The following DOCK7 variants were observed in gnomAD, a reference collection of about 807,000 sequenced individuals.
DOCK7 encodes dedicator of cytokinesis protein 7.
Under a neutral mutation model 271.0 loss-of-function variants are expected in DOCK7, and 138 were observed. The observed-to-expected ratio is 0.51, with a 90% CI of 0.44 to 0.59. The LOEUF is 0.59. DOCK7 is among the 20% of genes least tolerant of loss of function. The pLI, the probability that DOCK7 is intolerant of heterozygous loss-of-function variation, is 0.00. For synonymous variants in DOCK7, 823 were observed against 876.1 expected, an observed-to-expected ratio of 0.94 and a Z score of 1.07; for missense variants, 2,066 against 2,592.4, an observed-to-expected ratio of 0.80 and a Z score of 4.41.
chr1:62,489,159 A>G, intron 41 of DOCK7, 94 bp from the exon 42 acceptor site: 1 of 1,253,756 alleles, frequency 8.0e-7, no homozygotes, highest in South Asian at 1.6e-5. Context: ...TATTAAGATA[A>G]TACACTGAGG....
At position 62,539,633 on chromosome 1, in the gene DOCK7, T is replaced by C. The variant is rs779987031; in HGVS notation, c.3212A>G (p.Asn1071Ser). The part of the protein sequence containing the change: ...QKDTEMVERL[N>S]TSLAFFLNDL... ...ATTGAGAAAGAATGCAAGGCTTGTA[T>C]TGAGTCTCTCAACCATTTCTGTGTC... Residue 1071 changes from asparagine to serine, a missense_variant, in exon 27 of 50, where the codon AAT (asparagine) becomes AGT (serine). Asn to Ser is a conservative substitution (Grantham distance 46). Around this residue, in one of 2 missense-constraint regions of DOCK7, gnomAD observed 1,414 missense variants for 1,670.4 expected, o/e 0.85. Transcript: ENST00000635253. 1.9e-5 allele frequency: 30 copies of C among 1,613,764 alleles called. No homozygotes were observed. Among genetic ancestry groups the C allele is most frequent in the African/African-American group, 6.7e-5 (5 of 74,930 alleles).
At chr1:62,602,899 CTATTT>C (rs541516042) in intron 14 of DOCK7, among the ~76,000 whole-genome samples, 3 of 151,602 alleles carry the variant, frequency 2.0e-5, no homozygotes, top group African/African-American at 7.2e-5. Flanking sequence ...GCAAATTATT[CTATTT>C]TGATTACAAA....
chr1:62,631,486 A>AAGGATG (rs1322422288), intron 10 of DOCK7, 81 bp from the exon 11 acceptor site: 8 of 1,224,494 alleles, frequency 6.5e-6, no homozygotes, highest in Non-Finnish European at 7.8e-6. Flanking sequence ...CATAAAGGAA[A>AAGGATG]AGGATGAGAA....
chr1:62,632,177 A>G (rs1654712566), intron 10 of DOCK7, among the ~76,000 whole-genome samples: 1 of 152,226 alleles, frequency 6.6e-6, no homozygotes, highest in Non-Finnish European at 1.5e-5. Context: ...AGGGCTAGAA[A>G]AAGATGAAAC....
chr1:62,512,090 AT>A (rs544115933), intron 33 of DOCK7, among the ~76,000 whole-genome samples: 2 of 152,308 alleles, frequency 1.3e-5, no homozygotes, highest in East Asian at 1.9e-4. Context: ...TGCTCTATTA[AT>A]TTTTTTAAAG....
intron 14 of DOCK7, among the ~76,000 whole-genome samples, chr1:62,617,914 G>GAGGGGT (rs1401285980): frequency 6.6e-6 from 1 of 152,008 alleles, no homozygotes; most frequent in Non-Finnish European, 1.5e-5. Context: ...GAATAAATGT[G>GAGGGGT]AGGGGTAGGA....
At chr1:62,526,721 C>A (rs1041008141) in intron 31 of DOCK7, among the ~76,000 whole-genome samples, 1 of 151,976 alleles carries the variant, frequency 6.6e-6, no homozygotes, top group Admixed American at 6.6e-5. Context: ...TGTATCAATA[C>A]AATGGAATAC....
intron 18 of DOCK7, among the ~76,000 whole-genome samples, chr1:62,574,078 AC>A (rs1453459576): frequency 1.3e-5 from 2 of 152,150 alleles, no homozygotes; most frequent in Non-Finnish European, 2.9e-5. Context: ...GCCACCCAGA[AC>A]CCCATGAGTT....
At chr1:62,557,474 C>T (rs767823015) in intron 20 of DOCK7, among the ~76,000 whole-genome samples, 12 of 151,100 alleles carry the variant, frequency 7.9e-5, no homozygotes, top group Non-Finnish European at 1.5e-4. Context: ...TCTCTTCTAA[C>T]TTAACTTCTT....
chr1:62,570,808 G>A (rs886313655), intron 18 of DOCK7, among the ~76,000 whole-genome samples: 1 of 152,090 alleles, frequency 6.6e-6, no homozygotes, highest in African/African-American at 2.4e-5. Flanking sequence ...AATGGGTGAA[G>A]GATTCCCTAT....
chr1:62,513,299 A>C, intron 33 of DOCK7, 145 bp downstream of exon 33: 1 of 532,100 alleles, frequency 1.9e-6, no homozygotes, highest in Non-Finnish European at 2.6e-6. Context: ...CAGAATTCTA[A>C]CTTTTATTAC....
intron 43 of DOCK7, chr1:62,485,347 C>T: frequency 1.0e-6 from 1 of 984,118 alleles, no homozygotes. Flanking sequence ...ATCTTTCACA[C>T]ACACACACAC....
chr1:62,664,511 T>G (rs1659047591), intron 1 of DOCK7, among the ~76,000 whole-genome samples: 1 of 152,198 alleles, frequency 6.6e-6, no homozygotes, highest in African/African-American at 2.4e-5. Context: ...ATTAAACCAC[T>G]TTCCTTTATG....
chr1:62,623,411 T>C (rs1653530301), intron 12 of DOCK7, among the ~76,000 whole-genome samples: 1 of 152,222 alleles, frequency 6.6e-6, no homozygotes, highest in Non-Finnish European at 1.5e-5. Flanking sequence ...TAAGTTTTCA[T>C]AATCATTTTG....
intron 31 of DOCK7, among the ~76,000 whole-genome samples, chr1:62,516,099 T>A (rs1644654663): frequency 6.6e-6 from 1 of 152,032 alleles, no homozygotes; most frequent in South Asian, 2.1e-4. Flanking sequence ...GAACTTTAAA[T>A]ACAAAATGTT....
In DOCK7 at chr1:62,558,989, C is replaced by A. The variant is rs752142212; in HGVS notation, c.2431G>T (p.Val811Phe). The A allele has an allele frequency of 1.9e-6, 3 of 1,600,922 alleles. No individual in the cohort carries two copies. Among genetic ancestry groups the A allele is most frequent in the Middle Eastern group, 1.7e-4 (1 of 6,016 alleles). The change falls in exon 20 of 50, where the codon GTT becomes TTT. Residue 811 changes from valine to phenylalanine, a missense_variant and splice_region_variant. Physicochemically the swap from Val to Phe is conservative, Grantham distance 50. Transcript: ENST00000635253. ...IRPPVIAGQI[V>F]NLGQASFEAM... ...TCATCCCCAAACAAAAGTAAATTAC[C>A]TATTTGGCCAGCAATGACAGGAGGT...
chr1:62,504,552 C>A, intron 37 of DOCK7, 78 bp downstream of exon 37: 1 of 1,460,134 alleles, frequency 6.8e-7, no homozygotes, highest in Admixed American at 2.4e-5. Flanking sequence ...CATGCTCTCC[C>A]AAAAACTGAT....
rs202060193 is a variant in DOCK7 at position 62,686,881 on chromosome 1, A to AG, written c.38+1345dup. 8.3e-5 allele frequency among the ~76,000 whole-genome samples: 11 copies of AG among 132,314 alleles called. No individual in the cohort carries two copies. The East Asian group carries it at 2.3e-3, about 27-fold the overall frequency. 86.8% of individuals were successfully genotyped at this position (132,314 alleles called of 152,430 possible). ...AAAAGTGCTAGAACGCTGGAAAGAA[A>AG]GAAAAAAAAAAGCCTCTGCCTCGAA... is the stretch of plus-strand genomic sequence containing the variant. On this transcript the variant is annotated intron_variant, in intron 1 of 49. Transcript: ENST00000635253.
At chr1:62,675,399 C>A (rs1660439079) in intron 1 of DOCK7, among the ~76,000 whole-genome samples, 2 of 152,152 alleles carry the variant, frequency 1.3e-5, no homozygotes, top group African/African-American at 4.8e-5. Flanking sequence ...AAGACCCTGT[C>A]TCAATCAATC....
Sources: allele counts gnomAD v4.1 joint callset (sites outside exome capture counted in the v4.1 genomes callset), GRCh38; gene constraint gnomAD v4.1.1; regional missense constraint gnomAD v4.1.1; transcripts MANE v1.5; gene names NCBI Gene and HGNC (gene_info 2026-07-23, HGNC 2026-07-21).